Variants in CCL1 observed in about 807,000 individuals in gnomAD.
CCL1 encodes C-C motif chemokine 1.
Under a neutral mutation model 7.5 loss-of-function variants are expected in CCL1, and 9 were observed. That is an observed-to-expected ratio of 1.20 (90% CI 0.72 to 2.09). The LOEUF (loss-of-function observed/expected upper bound fraction) is 2.09, where lower values mean the gene tolerates loss of function less well. CCL1 is among the 30% of genes most tolerant of loss of function. The pLI is 0.00. For missense variants in CCL1, 110 were observed against 113.7 expected, an observed-to-expected ratio of 0.97 and a Z score of 0.15; for synonymous variants, 48 against 44.7, an observed-to-expected ratio of 1.07 and a Z score of -0.30.
At chr17:34,361,507 T>C (rs778145586) in intron 2 of CCL1, among the ~76,000 whole-genome samples, 3 of 152,228 alleles carry the variant, frequency 2.0e-5, no homozygotes, top group Non-Finnish European at 4.4e-5. Context: ...CATGCTTTTG[T>C]TAAACCTCTG....
rs8067379 is a variant in CCL1, at chr17:34,362,168, A to T, written c.77-272T>A. Among the ~76,000 whole-genome samples, 754 of 152,214 alleles carry T rather than the reference A, an allele frequency of 5.0e-3. 15 individuals are homozygous for T. Among genetic ancestry groups the T allele is most frequent in the African/African-American group, 0.018 (732 of 41,534 alleles). ...CCTTCACCCTGGCCCCAGACTTCCC[A>T]TCTGTAAAATAAAACTTTTTGGAGC... is the stretch of plus-strand genomic sequence containing the variant. On this transcript the variant is annotated intron_variant, in intron 1 of 2. Transcript: ENST00000225842.
Position 34,360,388 on chromosome 17 carries a change from T to C in CCL1, c.*171A>G. The stretch of plus-strand genomic sequence containing the variant: ...TCCAAGAGACCCAGAGGGTTGGGGG[T>C]TGATGATTGTATAATTTAAATGTTT... On this transcript the variant is annotated 3_prime_UTR_variant, in exon 3 of 3. Coordinates refer to ENST00000225842, the MANE Select transcript of CCL1 (RefSeq NM_002981.2). 1.7e-6 allele frequency: 1 copy of C among 579,472 alleles called. No individual in the cohort carries two copies. Among genetic ancestry groups the C allele is most frequent in the African/African-American group, 1.9e-5 (1 of 53,318 alleles). 35.9% of individuals were successfully genotyped at this position (579,472 alleles called of 1,614,324 possible).
Position 34,361,831 on chromosome 17 carries a change from G to A in CCL1, c.142C>T (p.Leu48=), listed in dbSNP as rs1370006636. ...ATGGAGCTGGTATTTCTGTAACACA[G>A]GATTGCCCTCAGGGGAATCTCTTGC... is the stretch of plus-strand genomic sequence containing the variant. ...AEQEIPLRAI[L]CYRNTSSICS... Residue 48 remains leucine (L), a synonymous_variant, in exon 2 of 3, where the codon CTG becomes TTG. Transcript: ENST00000225842. The A allele has an allele frequency of 5.6e-6, 9 of 1,613,430 alleles. No homozygotes were observed. The South Asian group carries it at 7.7e-5, about 14-fold the overall frequency.
At position 34,363,088 on chromosome 17, in the gene CCL1, C is replaced by T. The variant is rs559077261; in HGVS notation, c.74G>A (p.Ser25Asn). ...AAAATGATGCCTGCCACACTCACTG[C>T]TCTTGCTGTCCACATCTTCCGGCCA... is the stretch of plus-strand genomic sequence containing the variant. The part of the protein sequence containing the change: ...GMWPEDVDSK[S>N]MQVPFSRCCF... The change falls in exon 1 of 3, where the codon AGC (serine) becomes AAC (asparagine). Residue 25 changes from serine to asparagine, a missense_variant and splice_region_variant. Coordinates refer to ENST00000225842, the MANE Select transcript of CCL1 (RefSeq NM_002981.2). 1.2e-6 allele frequency: 2 copies of T among 1,612,494 alleles called. No individual in the cohort carries two copies. Among genetic ancestry groups the T allele is most frequent in the African/African-American group, 1.3e-5 (1 of 75,058 alleles).
intron 1 of CCL1, among the ~76,000 whole-genome samples, chr17:34,362,566 A>C (rs1330191474): frequency 3.3e-5 from 5 of 151,822 alleles, no homozygotes; most frequent in Non-Finnish European, 7.4e-5. Context: ...TCTTCCTCCT[A>C]GTTTTTCTGT....
At chr17:34,361,483 G>A (rs1426823236) in intron 2 of CCL1, among the ~76,000 whole-genome samples, 1 of 152,172 alleles carries the variant, frequency 6.6e-6, no homozygotes, top group Non-Finnish European at 1.5e-5. Context: ...TCTTTCCAGT[G>A]CACAATAACC....
At position 34,360,523 on chromosome 17, in the gene CCL1, T is replaced by C. The variant is rs1187248245; in HGVS notation, c.*36A>G. 2 of 1,499,752 alleles carry C rather than the reference T, an allele frequency of 1.3e-6. No individual in the cohort carries two copies. Among genetic ancestry groups the C allele is most frequent in the Admixed American group, 3.3e-5 (2 of 59,868 alleles). 92.9% of individuals were successfully genotyped at this position (1,499,752 alleles called of 1,614,324 possible). A position where few individuals can be genotyped will look rare whatever the true frequency, so the allele number is the denominator to read the frequency against. On this transcript the variant is annotated 3_prime_UTR_variant, in exon 3 of 3. Transcript: ENST00000225842. ...GTAGTTTCGGGGACAGGTGAAGCCATGTGGTTTCCAGAGCCCACAATGGAA... is the reference window on the plus strand; with the variant it reads ...GTAGTTTCGGGGACAGGTGAAGCCACGTGGTTTCCAGAGCCCACAATGGAA...
At chr17:34,361,661 T>A in intron 2 of CCL1, 124 bp downstream of exon 2, 1 of 673,552 alleles carries the variant, frequency 1.5e-6, no homozygotes, top group Non-Finnish European at 2.6e-6. Context: ...TGCACCCAGG[T>A]GCTGGCAGCT....
Position 34,361,844 on chromosome 17 carries a change from G to C in CCL1, c.129C>G (p.Pro43=). 1.2e-6 allele frequency: 2 copies of C among 1,613,506 alleles called. No homozygotes were observed. Among genetic ancestry groups the C allele is most frequent in the Non-Finnish European group, 1.7e-6 (2 of 1,179,448 alleles). ...TTCTGTAACACAGGATTGCCCTCAG[G>C]GGAATCTCTTGCTCCGCAAATGAGA... is the stretch of plus-strand genomic sequence containing the variant. ...CCFSFAEQEI[P]LRAILCYRNT... The change falls in exon 2 of 3, where the codon CCC becomes CCG. Residue 43 remains proline (P), a synonymous_variant. Transcript: ENST00000225842.
At chr17:34,361,677 T>G in intron 2 of CCL1, 108 bp downstream of exon 2, 29 of 782,988 alleles carry the variant, frequency 3.7e-5, no homozygotes, top group Admixed American at 1.2e-4. Flanking sequence ...CAGCTCTGGG[T>G]TTAGAAACCT....
chr17:34,361,815 G>A lies in CCL1; in HGVS notation c.158C>T (p.Thr53Ile). 1 of 1,612,998 alleles carries A rather than the reference G, an allele frequency of 6.2e-7. No individual in the cohort carries two copies. Among genetic ancestry groups the A allele is most frequent in the Non-Finnish European group, 8.5e-7 (1 of 1,179,000 alleles). ...PLRAILCYRNTSSICSNEGLI... is the reference protein window; with the variant it reads ...PLRAILCYRNISSICSNEGLI... ...GCCCTCATTGGAGCAGATGGAGCTG[G>A]TATTTCTGTAACACAGGATTGCCCT... The change falls in exon 2 of 3, where the codon ACC (threonine) becomes ATC (isoleucine). Residue 53 changes from threonine (T) to isoleucine (I), a missense_variant. Physicochemically the swap from Thr to Ile is moderately conservative, Grantham distance 89 (BLOSUM62 -1). Coordinates refer to ENST00000225842, the MANE Select transcript of CCL1 (RefSeq NM_002981.2).
intron 2 of CCL1, among the ~76,000 whole-genome samples, chr17:34,361,418 A>T (rs145418158): frequency 7.8e-4 from 119 of 152,324 alleles, no homozygotes; most frequent in African/African-American, 2.7e-3. Context: ...GTCCACGGTC[A>T]CCCAAGACTA....
At chr17:34,361,744 G>A in intron 2 of CCL1, 41 bp downstream of exon 2, 2 of 1,297,194 alleles carry the variant, frequency 1.5e-6, no homozygotes, top group Non-Finnish European at 2.2e-6. Flanking sequence ...GGCTGGCGGG[G>A]TTCTGTTCTC....
Position 34,363,180 on chromosome 17 carries a change from G to T in CCL1, c.-19C>A. ...TCTGCATGTCTTCTGGTCTGGCTTGGGCCTTCCTGGAGCAGCTTTGATGAG... is the reference window on the plus strand; with the variant it reads ...TCTGCATGTCTTCTGGTCTGGCTTGTGCCTTCCTGGAGCAGCTTTGATGAG... On this transcript the variant is annotated 5_prime_UTR_variant, in exon 1 of 3. Coordinates refer to ENST00000225842, the MANE Select transcript of CCL1 (RefSeq NM_002981.2). 1 of 1,613,104 alleles carries T rather than the reference G, an allele frequency of 6.2e-7. No homozygotes were observed. The highest frequency in any genetic ancestry group is 1.7e-5 in the Admixed American group (1 of 59,992).
In CCL1 at chr17:34,360,663, T is replaced by A. The variant is rs760750339; in HGVS notation, c.189-2A>T. On this transcript the variant is annotated splice_acceptor_variant, in intron 2 of 2. Coordinates refer to ENST00000225842, the MANE Select transcript of CCL1 (RefSeq NM_002981.2). LOFTEE classifies it high-confidence loss of function. ...TCTTTGCCTCTCTTCAGCTTGAATCTGTGAACAGAGAATAAGAGAGAAGGC... is the reference window on the plus strand; with the variant it reads ...TCTTTGCCTCTCTTCAGCTTGAATCAGTGAACAGAGAATAAGAGAGAAGGC... 6.2e-7 allele frequency: 1 copy of A among 1,610,416 alleles called. No homozygotes were observed. Among genetic ancestry groups the A allele is most frequent in the East Asian group, 2.2e-5 (1 of 44,804 alleles).
rs1567664519 is a variant in CCL1, at chr17:34,361,841, CAGG to C, written c.129_131del (p.Leu44del). The C allele has an allele frequency of 1.2e-6, 2 of 1,613,428 alleles. No homozygotes were observed. The highest frequency in any genetic ancestry group is 8.5e-7 in the Non-Finnish European group (1 of 1,179,508). On this transcript the variant is annotated inframe_deletion, in exon 2 of 3. Transcript: ENST00000225842. ...TATTTCTGTAACACAGGATTGCCCT[CAGG>C]GGAATCTCTTGCTCCGCAAATGAGA...
Position 34,361,800 on chromosome 17 carries a change from G to A in CCL1, c.173C>T (p.Ser58Phe), listed in dbSNP as rs765917777. ...LCYRNTSSIC[S>F]NEGLIFKLKR... ...GATCACTTACATTAAGCCCTCATTG[G>A]AGCAGATGGAGCTGGTATTTCTGTA... Residue 58 changes from serine (S) to phenylalanine (F), a missense_variant, in exon 2 of 3, where the codon TCC becomes TTC. Coordinates refer to ENST00000225842, the MANE Select transcript of CCL1 (RefSeq NM_002981.2). 2 of 1,610,182 alleles carry A rather than the reference G, an allele frequency of 1.2e-6. No homozygotes were observed. The highest frequency in any genetic ancestry group is 1.7e-6 in the Non-Finnish European group (2 of 1,176,594).
Position 34,360,363 on chromosome 17 carries a change from T to A in CCL1, c.*196A>T. On this transcript the variant is annotated 3_prime_UTR_variant, in exon 3 of 3. Transcript: ENST00000225842. ...TGCCAATCAAGTTTTCACTCTGAAA[T>A]CCAAGAGACCCAGAGGGTTGGGGGT... The A allele has an allele frequency of 1.9e-6, 1 of 530,752 alleles. No homozygotes were observed. 32.9% of individuals were successfully genotyped at this position (530,752 alleles called of 1,614,324 possible). A position where few individuals can be genotyped will look rare whatever the true frequency, so the allele number is the denominator to read the frequency against.
At chr17:34,361,408 GT>G (rs1910503256) in intron 2 of CCL1, among the ~76,000 whole-genome samples, 1 of 152,200 alleles carries the variant, frequency 6.6e-6, no homozygotes, top group African/African-American at 2.4e-5. Flanking sequence ...GGAGTTACCT[GT>G]CCACGGTCAC....
Sources: allele counts gnomAD v4.1 joint callset (sites outside exome capture counted in the v4.1 genomes callset), GRCh38; gene constraint gnomAD v4.1.1; transcripts MANE v1.5; gene names NCBI Gene and HGNC (gene_info 2026-07-23, HGNC 2026-07-21).